The following RNF220 variants were observed in gnomAD, a reference collection of about 807,000 sequenced individuals.
RNF220 encodes ring finger protein 220.
A neutral mutation model predicts 67.1 loss-of-function variants in RNF220; 7 were observed. The observed-to-expected ratio is 0.10, with a 90% CI of 0.06 to 0.20. RNF220 has a LOEUF of 0.20. RNF220 is among the 10% of genes least tolerant of loss of function. The pLI is 1.00. For missense variants in RNF220, 565 were observed against 740.3 expected, an observed-to-expected ratio of 0.76 and a Z score of 2.75; for synonymous variants, 270 against 283.2, an observed-to-expected ratio of 0.95 and a Z score of 0.47.
At chr1:44,493,083 G>A (rs78933990) in intron 2 of RNF220, among the ~76,000 whole-genome samples, 2 of 152,196 alleles carry the variant, frequency 1.3e-5, no homozygotes, top group East Asian at 1.9e-4. Context: ...GCACCAACAC[G>A]ATGCCACAAG....
Position 44,650,893 on chromosome 1 carries a change from C to T in RNF220, c.*118C>T, listed in dbSNP as rs1253332745. The T allele has an allele frequency of 1.2e-6, 1 of 828,170 alleles. No individual in the cohort carries two copies. Among genetic ancestry groups the T allele is most frequent in the Non-Finnish European group, 2.0e-6 (1 of 491,540 alleles). 51.3% of individuals were successfully genotyped at this position (828,170 alleles called of 1,614,324 possible). ...CAGGTTCCCCATGTACATACATGCA[C>T]ATACTCAAACATGCGTACACACACA... On this transcript the variant is annotated 3_prime_UTR_variant, in exon 15 of 15. Transcript: ENST00000361799. The surrounding 1 kb of genome is among the most constrained non-coding windows in gnomAD (Gnocchi z 4.3).
At chr1:44,535,434 C>T (rs556466332) in intron 2 of RNF220, among the ~76,000 whole-genome samples, 117 of 151,868 alleles carry the variant, frequency 7.7e-4, no homozygotes, top group Non-Finnish European at 1.1e-3. Flanking sequence ...CCACCGTGCC[C>T]GGCCAGGAGG....
chr1:44,467,986 C>T (rs187201574), intron 2 of RNF220, among the ~76,000 whole-genome samples: 1 of 151,972 alleles, frequency 6.6e-6, no homozygotes, highest in African/African-American at 2.4e-5. Flanking sequence ...AATAGCTGGT[C>T]GGTGGAGCAG....
In RNF220 at chr1:44,500,820, T is replaced by C. The variant is rs564807720; in HGVS notation, c.625+88098T>C. On this transcript the variant is annotated intron_variant, in intron 2 of 14. Transcript: ENST00000361799. ...AGAGAGGAGGGAGGGAGGAGCTCCA[T>C]CTGGTGTCCAGGAAAATAAGGGAGC... Among the ~76,000 whole-genome samples, 8 of 152,210 alleles carry C rather than the reference T, an allele frequency of 5.3e-5. No individual in the cohort carries two copies. In the East Asian group the frequency reaches 1.6e-3, roughly 30 times the overall value.
At chr1:44,499,123 C>T (rs2148075988) in intron 2 of RNF220, among the ~76,000 whole-genome samples, 1 of 152,348 alleles carries the variant, frequency 6.6e-6, no homozygotes, top group Admixed American at 6.5e-5. Flanking sequence ...CACCCCATCT[C>T]ACCTAACTTC....
rs1644766753 is a variant in RNF220, at chr1:44,650,617, CAG to C, written c.1630-81_1630-80del. ...ACCAAGGTCTCAGCACACACTGGTG[CAG>C]AGAGACATGGCTGCAGGCCCAGGTG... On this transcript the variant is annotated intron_variant, in intron 14 of 14. Coordinates refer to ENST00000361799, the MANE Select transcript of RNF220 (RefSeq NM_018150.4). The surrounding 1 kb of genome is among the most constrained non-coding windows in gnomAD (Gnocchi z 4.3). 9.2e-6 allele frequency: 13 copies of C among 1,414,546 alleles called. No homozygotes were observed. Among genetic ancestry groups the C allele is most frequent in the South Asian group, 7.0e-5 (6 of 86,060 alleles). The allele number at this position is 1,414,546 out of a possible 1,614,324, so 87.6% of individuals were successfully genotyped here. A position where few individuals can be genotyped will look rare whatever the true frequency, so the allele number is the denominator to read the frequency against.
intron 1 of RNF220, among the ~76,000 whole-genome samples, chr1:44,407,987 G>T (rs2147792063): frequency 6.6e-6 from 1 of 152,318 alleles, no homozygotes; most frequent in East Asian, 1.9e-4. Context: ...CTGGCGCTTT[G>T]GTTGCCCAAA....
chr1:44,436,184 T>A (rs533525762), intron 2 of RNF220, among the ~76,000 whole-genome samples: 6 of 152,106 alleles, frequency 3.9e-5, no homozygotes, highest in Non-Finnish European at 8.8e-5. Context: ...AATGCCTCGA[T>A]TAAGGATGTA....
At chr1:44,408,196 A>C (rs1647585684) in intron 1 of RNF220, among the ~76,000 whole-genome samples, 2 of 151,984 alleles carry the variant, frequency 1.3e-5, no homozygotes, top group Admixed American at 1.3e-4. Context: ...TTCCCAGTCG[A>C]GACTCTTCCG....
chr1:44,471,860 C>T (rs1654843359), intron 2 of RNF220, among the ~76,000 whole-genome samples: 1 of 152,036 alleles, frequency 6.6e-6, no homozygotes, highest in Non-Finnish European at 1.5e-5. Context: ...ACAAGAAGCC[C>T]TGTACTTCTC....
chr1:44,559,564 G>A (rs556382815), intron 2 of RNF220, among the ~76,000 whole-genome samples: 6 of 152,376 alleles, frequency 3.9e-5, no homozygotes, highest in African/African-American at 9.6e-5. Context: ...GCGCTCCAGC[G>A]GTGATGCAGG....
chr1:44,513,095 T>C (rs982350880), intron 2 of RNF220, among the ~76,000 whole-genome samples: 2 of 152,144 alleles, frequency 1.3e-5, no homozygotes, highest in African/African-American at 4.8e-5. Context: ...GGATTTGGAG[T>C]CCAGAAAGGT....
intron 2 of RNF220, among the ~76,000 whole-genome samples, chr1:44,466,278 C>T (rs1188605497): frequency 2.0e-5 from 3 of 152,198 alleles, no homozygotes; most frequent in Admixed American, 6.5e-5. Flanking sequence ...AATTCAACTA[C>T]GTCTTCAGGC....
At chr1:44,431,500 CA>C (rs34244024) in intron 2 of RNF220, among the ~76,000 whole-genome samples, 29,950 of 90,404 alleles carry the variant, frequency 0.33, 2,993 homozygotes, top group South Asian at 0.41. Context: ...GACTTCATCT[CA>C]AAAAAAAAAA....
chr1:44,422,066 C>G (rs897567503), intron 2 of RNF220, among the ~76,000 whole-genome samples: 5 of 152,220 alleles, frequency 3.3e-5, no homozygotes, highest in Non-Finnish European at 7.3e-5. Flanking sequence ...TCTCCTCCCT[C>G]TCTGTCCTCA....
Position 44,405,349 on chromosome 1 carries a change from G to C in RNF220, c.-299G>C. On this transcript the variant is annotated 5_prime_UTR_variant, in exon 1 of 15. Coordinates refer to ENST00000361799, the MANE Select transcript of RNF220 (RefSeq NM_018150.4). The stretch of plus-strand genomic sequence containing the variant: ...CTGTACATGCAATCCCAGGCAGCTC[G>C]CGAACACAAACCCGGGGCCAGCCGC... 1 of 583,376 alleles carries C rather than the reference G, an allele frequency of 1.7e-6. No individual in the cohort carries two copies. The highest frequency in any genetic ancestry group is 3.0e-6 in the Non-Finnish European group (1 of 329,336). 36.1% of individuals were successfully genotyped at this position (583,376 alleles called of 1,614,324 possible).
At chr1:44,642,533 C>T (rs1037740122) in intron 8 of RNF220, among the ~76,000 whole-genome samples, 21 of 152,018 alleles carry the variant, frequency 1.4e-4, no homozygotes, top group South Asian at 4.2e-4. Context: ...GCAGGAGGTG[C>T]GGAGGCATGG....
intron 8 of RNF220, among the ~76,000 whole-genome samples, chr1:44,639,348 A>ACATG (rs529628540): frequency 3.9e-5 from 6 of 152,298 alleles, no homozygotes; most frequent in Admixed American, 3.9e-4. Context: ...AGTTCACCCA[A>ACATG]CTGCATTGGG....
chr1:44,540,689 T>C (rs1661604570), intron 2 of RNF220, among the ~76,000 whole-genome samples: 1 of 152,174 alleles, frequency 6.6e-6, no homozygotes, highest in Non-Finnish European at 1.5e-5. Flanking sequence ...GCTTCCTTTT[T>C]TTTCTTTATT....
Sources: allele counts gnomAD v4.1 joint callset (sites outside exome capture counted in the v4.1 genomes callset), GRCh38; gene constraint gnomAD v4.1.1; non-coding constraint Gnocchi (gnomAD v3.1); transcripts MANE v1.5; gene names NCBI Gene and HGNC (gene_info 2026-07-23, HGNC 2026-07-21).